Variants in SLIT1 observed in about 807,000 individuals in gnomAD.
SLIT1 encodes slit guidance ligand 1.
Under a neutral mutation model 186.1 loss-of-function variants are expected in SLIT1, and 66 were observed. That is an observed-to-expected ratio of 0.35 (90% CI 0.29 to 0.44). The LOEUF (loss-of-function observed/expected upper bound fraction) is 0.44, where lower values mean the gene tolerates loss of function less well. Among genes scored for constraint, SLIT1 ranks in the 20% least tolerant of loss-of-function variants. SLIT1 has a pLI of 1.00. For missense variants in SLIT1, 1,638 were observed against 2,037.4 expected (o/e 0.80, Z 3.77); for synonymous variants, 761 against 833.8 (o/e 0.91, Z 1.50).
chr10:97,152,984 T>G (rs917781700), intron 4 of SLIT1: 2 of 152,240 alleles, frequency 1.3e-5, no homozygotes, highest in Non-Finnish European at 1.5e-5. Flanking sequence ...TATATGTTAT[T>G]TCCATATTCT....
At chr10:97,131,890 A>C (rs1170519287) in intron 4 of SLIT1, among the ~76,000 whole-genome samples, 2 of 152,226 alleles carry the variant, frequency 1.3e-5, no homozygotes, top group Non-Finnish European at 2.9e-5. Flanking sequence ...CAATGAGAAC[A>C]CTAAAGCAGA....
rs1429212397 is a variant in SLIT1 at position 97,185,506 on chromosome 10, T to G, written c.169A>C (p.Lys57Gln). The change falls in exon 1 of 37, where the codon AAG becomes CAG. Residue 57 changes from lysine to glutamine, a missense_variant. By Grantham distance (53) the Lys-to-Gln change is moderately conservative. Transcript: ENST00000266058. ...CGCTCGGTGTTCCGAGGTATATTCT[T>G]GGGAATGGCCTGCAGCCCCGTGCCG... ...CHGTGLQAIP[K>Q]NIPRNTERLE... 5.0e-6 allele frequency: 8 copies of G among 1,612,352 alleles called. No individual in the cohort carries two copies. In the South Asian group the frequency reaches 8.8e-5, roughly 18 times the overall value.
intron 4 of SLIT1, among the ~76,000 whole-genome samples, chr10:97,105,023 G>C (rs1849398966): frequency 6.6e-6 from 1 of 152,032 alleles, no homozygotes. Flanking sequence ...AAATTCAGCT[G>C]AATAACACCA....
At chr10:97,105,921 G>A (rs1428228405) in intron 4 of SLIT1, among the ~76,000 whole-genome samples, 1 of 152,266 alleles carries the variant, frequency 6.6e-6, no homozygotes, top group Non-Finnish European at 1.5e-5. Flanking sequence ...TGGATGCCAG[G>A]AAAGGCATGC....
At chr10:97,106,799 G>A (rs563396303) in intron 4 of SLIT1, among the ~76,000 whole-genome samples, 1 of 152,308 alleles carries the variant, frequency 6.6e-6, no homozygotes, top group Admixed American at 6.5e-5. Flanking sequence ...TGCTGGCAGA[G>A]TTCATACTTT....
intron 5 of SLIT1, chr10:97,065,794 T>C: frequency 2.0e-6 from 1 of 511,346 alleles, no homozygotes; most frequent in East Asian, 3.2e-5. Context: ...GCCCCCTCCG[T>C]TGGCTCTCAT....
At chr10:97,103,432 C>T (rs2279510) in intron 4 of SLIT1, 19,381 of 152,200 alleles carry the variant, frequency 0.13, 1,267 homozygotes, top group Middle Eastern at 0.18. Flanking sequence ...GCCCTCCCAC[C>T]GGCTAACCAG....
At chr10:97,017,136 C>T (rs1194681996) in intron 28 of SLIT1, among the ~76,000 whole-genome samples, 1 of 152,206 alleles carries the variant, frequency 6.6e-6, no homozygotes, top group Non-Finnish European at 1.5e-5. Context: ...CCCATCTCCC[C>T]ATCTCAGGGT....
At chr10:97,087,135 T>C (rs1034405677) in intron 4 of SLIT1, among the ~76,000 whole-genome samples, 12 of 149,760 alleles carry the variant, frequency 8.0e-5, no homozygotes, top group African/African-American at 9.8e-5. Flanking sequence ...CCCTTGAAGA[T>C]TGACTGGACT....
intron 4 of SLIT1, among the ~76,000 whole-genome samples, chr10:97,096,963 C>T (rs976648263): frequency 6.6e-6 from 1 of 152,220 alleles, no homozygotes; most frequent in Non-Finnish European, 1.5e-5. Context: ...GCCAAACGTA[C>T]AGCCTTCCTG....
chr10:97,121,389 T>C (rs1050630279), intron 4 of SLIT1, among the ~76,000 whole-genome samples: 3 of 152,114 alleles, frequency 2.0e-5, no homozygotes, highest in Admixed American at 6.5e-5. Context: ...CCTTCAAACA[T>C]GTGCAGAGCC....
chr10:97,154,724 C>T (rs944346937), intron 4 of SLIT1: 3 of 152,254 alleles, frequency 2.0e-5, no homozygotes, highest in Non-Finnish European at 4.4e-5. Context: ...GAGGCTTCTG[C>T]CTCCCAGCCC....
At position 97,004,362 on chromosome 10, in the gene SLIT1, G is replaced by T; in HGVS notation, c.3711-140C>A. ...GGAAAAGGACTGTGGGGGCTCAAGG[G>T]TCTATCGCATGATCCCTTTCACTCC... On this transcript the variant is annotated intron_variant, in intron 33 of 36. Transcript: ENST00000266058. The surrounding 1 kb of genome is among the most constrained non-coding windows in gnomAD (Gnocchi z 5.1). The T allele has an allele frequency of 2.3e-6, 2 of 851,192 alleles. No individual in the cohort carries two copies. Among genetic ancestry groups the T allele is most frequent in the East Asian group, 2.5e-5 (1 of 39,846 alleles). 52.7% of individuals were successfully genotyped at this position (851,192 alleles called of 1,614,324 possible). A position where few individuals can be genotyped will look rare whatever the true frequency, so the allele number is the denominator to read the frequency against.
At chr10:97,172,197 T>C (rs1850198946) in intron 1 of SLIT1, among the ~76,000 whole-genome samples, 3 of 152,022 alleles carry the variant, frequency 2.0e-5, no homozygotes, top group Non-Finnish European at 2.9e-5. Context: ...CACCCACCAC[T>C]ATACCCAGCT....
chr10:97,129,440 A>C (rs1489770128), intron 4 of SLIT1, among the ~76,000 whole-genome samples: 1 of 152,004 alleles, frequency 6.6e-6, no homozygotes. Context: ...GTGAGGATTA[A>C]GTTCAGTAAC....
At chr10:97,075,253 A>C (rs980162879) in intron 4 of SLIT1, among the ~76,000 whole-genome samples, 1 of 152,230 alleles carries the variant, frequency 6.6e-6, no homozygotes, top group Non-Finnish European at 1.5e-5. Context: ...CTCTGGCCTC[A>C]TGCACATCTT....
intron 1 of SLIT1, among the ~76,000 whole-genome samples, chr10:97,181,851 C>A (rs1382805580): frequency 6.6e-6 from 1 of 152,202 alleles, no homozygotes; most frequent in Non-Finnish European, 1.5e-5. Context: ...CCAGGATGCC[C>A]AGGGCTGGGG....
chr10:97,162,569 C>A (rs1363565041), intron 3 of SLIT1, among the ~76,000 whole-genome samples: 1 of 152,102 alleles, frequency 6.6e-6, no homozygotes, highest in Non-Finnish European at 1.5e-5. Flanking sequence ...GCCGAGATCA[C>A]GCCACTGCAC....
intron 1 of SLIT1, among the ~76,000 whole-genome samples, chr10:97,166,615 G>GAA (rs773428114): frequency 9.9e-5 from 5 of 50,300 alleles, no homozygotes; most frequent in African/African-American, 4.1e-4. Context: ...AAGAAAGAAA[G>GAA]AAAGAAAGAG....
Sources: gnomAD v4.1 joint callset for allele counts (sites outside exome capture counted in the v4.1 genomes callset) on GRCh38, gnomAD v4.1.1 for gene constraint, Gnocchi (gnomAD v3.1) non-coding constraint, MANE v1.5 for transcripts, NCBI Gene and HGNC (gene_info 2026-07-23, HGNC 2026-07-21) for gene names.